Variants in PRKG1 observed in about 807,000 individuals in gnomAD.
The protein encoded by PRKG1 is protein kinase cGMP-dependent 1, also known as cGMP-dependent protein kinase 1.
PRKG1 carries 35 observed loss-of-function variants against 88.1 expected under a neutral mutation model. The observed-to-expected ratio is 0.40, with a 90% confidence interval of 0.30 to 0.53. PRKG1 has a LOEUF of 0.53. PRKG1 is among the 20% of genes least tolerant of loss of function. The probability of loss-of-function intolerance (pLI) is 0.59; values close to 1 mark genes in which losing one functional copy is unlikely to be tolerated. For missense variants in PRKG1, 540 were observed against 839.8 expected, an observed-to-expected ratio of 0.64 and a Z score of 4.41; for synonymous variants, 303 against 292.5, an observed-to-expected ratio of 1.04 and a Z score of -0.37.
At chr10:51,028,781 C>T (rs756870797) in intron 1 of PRKG1, among the ~76,000 whole-genome samples, 7 of 152,088 alleles carry the variant, frequency 4.6e-5, no homozygotes, top group African/African-American at 7.2e-5. Context: ...TCTTTAGAAA[C>T]ATGTCTGATT....
At chr10:51,401,464 A>G (rs1017659839) in intron 2 of PRKG1, among the ~76,000 whole-genome samples, 1 of 152,132 alleles carries the variant, frequency 6.6e-6, no homozygotes, top group African/African-American at 2.4e-5. Flanking sequence ...TTCCTTTTCC[A>G]TATTCACTGG....
Position 51,832,731 on chromosome 10 carries a change from C to G in PRKG1, c.698+28041C>G, listed in dbSNP as rs374825277. On this transcript the variant is annotated intron_variant, in intron 4 of 17. Transcript: ENST00000373980. ...AAGGGTCCCATGATTGAATCTTAGA[C>G]AGCAATTTGCATTACAGAAAGAAAT... is the stretch of plus-strand genomic sequence containing the variant. Among the ~76,000 whole-genome samples the G allele has an allele frequency of 9.2e-5, 14 of 152,144 alleles. No individual in the cohort carries two copies. The East Asian group carries it at 2.5e-3, about 27-fold the overall frequency.
intron 2 of PRKG1, among the ~76,000 whole-genome samples, chr10:51,284,865 CTTTTT>C (rs5784867): frequency 2.7e-4 from 14 of 51,668 alleles, no homozygotes; most frequent in African/African-American, 1.0e-3. Context: ...GTTGTGGGTA[CTTTTT>C]TTTTTTTTTT....
At chr10:52,267,378 CAGAATCAAT>C (rs749041138) in intron 10 of PRKG1, among the ~76,000 whole-genome samples, 1 of 151,934 alleles carries the variant, frequency 6.6e-6, no homozygotes, top group Non-Finnish European at 1.5e-5. Flanking sequence ...CTAGTTGAAT[CAGAATCAAT>C]TAGAAAGATT....
intron 2 of PRKG1, among the ~76,000 whole-genome samples, chr10:51,450,063 A>G (rs1048871547): frequency 2.0e-5 from 3 of 151,996 alleles, no homozygotes; most frequent in Admixed American, 1.3e-4. Flanking sequence ...TTATTCATAG[A>G]TGGTCTCAAT....
chr10:51,464,890 C>CAAAAAA (rs11316369), intron 2 of PRKG1, among the ~76,000 whole-genome samples: 4 of 88,144 alleles, frequency 4.5e-5, no homozygotes, highest in African/African-American at 8.3e-5. Context: ...GACTCCGTCT[C>CAAAAAA]AAAAAAAAAA....
chr10:52,066,737 A>G (rs1846364938), intron 7 of PRKG1, among the ~76,000 whole-genome samples: 1 of 152,206 alleles, frequency 6.6e-6, no homozygotes, highest in Non-Finnish European at 1.5e-5. Context: ...AGAAAAGCAG[A>G]AAAAAACCTA....
intron 2 of PRKG1, among the ~76,000 whole-genome samples, chr10:51,330,141 ATTTATTTTTTATTTAT>A (rs1841699404): frequency 1.2e-4 from 14 of 112,078 alleles, no homozygotes; most frequent in East Asian, 4.6e-4. Flanking sequence ...TTATTTATTT[ATTTATTTTTTATTTAT>A]TTTTTTTTTT....
At chr10:51,818,789 C>T (rs1432283073) in intron 4 of PRKG1, among the ~76,000 whole-genome samples, 2 of 137,452 alleles carry the variant, frequency 1.5e-5, no homozygotes, top group African/African-American at 6.6e-5. Flanking sequence ...GGGCGGATCA[C>T]GAGGTCAGGA....
chr10:51,079,739 A>G (rs2131847920), intron 1 of PRKG1, among the ~76,000 whole-genome samples: 1 of 152,068 alleles, frequency 6.6e-6, no homozygotes, highest in East Asian at 1.9e-4. Flanking sequence ...CCACTAATGC[A>G]GTTCTGAATG....
chr10:51,476,746 T>C (rs368150069), intron 3 of PRKG1, among the ~76,000 whole-genome samples: 9 of 152,044 alleles, frequency 5.9e-5, no homozygotes, highest in African/African-American at 2.2e-4. Context: ...CTAAATTCCC[T>C]TGCTATTCAT....
At chr10:51,905,856 A>G (rs945582870) in intron 4 of PRKG1, among the ~76,000 whole-genome samples, 4 of 152,168 alleles carry the variant, frequency 2.6e-5, no homozygotes, top group Non-Finnish European at 5.9e-5. Context: ...ACTACATTCA[A>G]AATATGTTGT....
At chr10:51,464,130 A>T (rs1839818583) in intron 2 of PRKG1, among the ~76,000 whole-genome samples, 1 of 151,962 alleles carries the variant, frequency 6.6e-6, no homozygotes, top group South Asian at 2.1e-4. Context: ...GAAAAAAAAA[A>T]ATTGCCTGGC....
chr10:52,088,257 A>C (rs1326933745), intron 7 of PRKG1, among the ~76,000 whole-genome samples: 1 of 151,874 alleles, frequency 6.6e-6, no homozygotes, highest in Admixed American at 6.6e-5. Flanking sequence ...TGTTCTTTTT[A>C]ATGACTAAAT....
chr10:51,917,831 C>T (rs1188042643), intron 5 of PRKG1, among the ~76,000 whole-genome samples: 6 of 152,090 alleles, frequency 3.9e-5, no homozygotes, highest in Non-Finnish European at 5.9e-5. Context: ...AGAGAGGTCC[C>T]TCTCCCATAT....
At chr10:51,016,629 T>C (rs941117739) in intron 1 of PRKG1, among the ~76,000 whole-genome samples, 4 of 147,894 alleles carry the variant, frequency 2.7e-5, no homozygotes, top group African/African-American at 9.9e-5. Context: ...TTTCATTTCA[T>C]TAATTCTAAC....
At chr10:51,204,109 A>G (rs1837982129) in intron 2 of PRKG1, among the ~76,000 whole-genome samples, 1 of 152,166 alleles carries the variant, frequency 6.6e-6, no homozygotes, top group South Asian at 2.1e-4. Context: ...TTCATTTAGG[A>G]TGAGTGAAAT....
chr10:51,325,972 GTT>G (rs2132518499), intron 2 of PRKG1, among the ~76,000 whole-genome samples: 1 of 152,276 alleles, frequency 6.6e-6, no homozygotes, highest in South Asian at 2.1e-4. Flanking sequence ...AGAGGATACT[GTT>G]TTCTGAGTAC....
Position 51,074,539 on chromosome 10 carries a change from C to G in PRKG1, c.-52C>G, listed in dbSNP as rs1843895064. ...AAAGTTGATCGGAGAGGGGAGGAAG[C>G]CTCAAGACGCGGAGCAGCGGCAGGA... On this transcript the variant is annotated 5_prime_UTR_variant, in exon 1 of 18. Coordinates refer to ENST00000373980, the MANE Select transcript of PRKG1 (RefSeq NM_006258.4). The G allele has an allele frequency of 6.4e-7, 1 of 1,570,172 alleles. No individual in the cohort carries two copies. The highest frequency in any genetic ancestry group is 8.6e-7 in the Non-Finnish European group (1 of 1,156,456).
Sources: gnomAD v4.1 joint callset for allele counts (sites outside exome capture counted in the v4.1 genomes callset) on GRCh38, gnomAD v4.1.1 for gene constraint, MANE v1.5 for transcripts, NCBI Gene and HGNC (gene_info 2026-07-23, HGNC 2026-07-21) for gene names.